The following RECK variants were observed in gnomAD, a reference collection of about 807,000 sequenced individuals.
RECK encodes the protein reversion-inducing cysteine-rich protein with Kazal motifs.
A neutral mutation model predicts 115.1 loss-of-function variants in RECK; 69 were observed. The ratio of observed to expected loss-of-function variants is 0.60; its 90% CI spans 0.49 to 0.73. The LOEUF (loss-of-function observed/expected upper bound fraction) is 0.73. Ranked by LOEUF, RECK falls within the 30% of genes least tolerant of loss-of-function variation. The probability of loss-of-function intolerance (pLI) is 0.00; values close to 1 mark genes in which losing one functional copy is unlikely to be tolerated. For missense variants in RECK, 1,047 were observed against 1,203.7 expected, an observed-to-expected ratio of 0.87 and a Z score of 1.93; for synonymous variants, 414 against 419.7, an observed-to-expected ratio of 0.99 and a Z score of 0.17.
intron 9 of RECK, among the ~76,000 whole-genome samples, chr9:36,089,091 A>G (rs781498372): frequency 3.3e-5 from 5 of 152,216 alleles, no homozygotes; most frequent in Admixed American, 6.5e-5. Context: ...AATAAATGAA[A>G]GACGTGAAAA....
chr9:36,058,700 T>C, intron 2 of RECK, 127 bp from the exon 3 acceptor site: 1 of 266,616 alleles, frequency 3.8e-6, no homozygotes, highest in Non-Finnish European at 6.8e-6. Flanking sequence ...TAAAAATAAA[T>C]AAATAAAATA....
chr9:36,114,118 C>T (rs1824164538), intron 16 of RECK, among the ~76,000 whole-genome samples: 1 of 152,196 alleles, frequency 6.6e-6, no homozygotes, highest in Non-Finnish European at 1.5e-5. Context: ...GTGGGGATTG[C>T]TCTTAAGAAG....
At chr9:36,116,537 C>G (rs1321110099) in intron 16 of RECK, among the ~76,000 whole-genome samples, 4 of 152,248 alleles carry the variant, frequency 2.6e-5, no homozygotes, top group Non-Finnish European at 5.9e-5. Flanking sequence ...TCCAGCCTAT[C>G]TCTTGGCCTC....
intron 6 of RECK, among the ~76,000 whole-genome samples, chr9:36,066,605 G>C (rs1235763099): frequency 6.6e-6 from 1 of 151,798 alleles, no homozygotes; most frequent in South Asian, 2.1e-4. Flanking sequence ...GCTCTCCTCC[G>C]TTCTTATTGA....
In RECK at chr9:36,122,868, C is replaced by G. The variant is rs773789717; in HGVS notation, c.2739C>G (p.Ile913Met). The G allele has an allele frequency of 1.2e-6, 2 of 1,614,092 alleles. No homozygotes were observed. The highest frequency in any genetic ancestry group is 1.7e-6 in the Non-Finnish European group (2 of 1,180,052). Residue 913 changes from isoleucine (I) to methionine (M), a missense_variant, in exon 21 of 21, where the codon ATC becomes ATG. Physicochemically the swap from Ile to Met is conservative, Grantham distance 10. Transcript: ENST00000377966. ...AAGCAGAGAAGATTGAGTCCCTTATCAACTCTGACAGCCCGACTTTGGCGT... is the reference window on the plus strand; with the variant it reads ...AAGCAGAGAAGATTGAGTCCCTTATGAACTCTGACAGCCCGACTTTGGCGT... Reference protein sequence around the residue: ...NKEAEKIESLINSDSPTLASH... With the variant: ...NKEAEKIESLMNSDSPTLASH...
At chr9:36,038,823 A>C (rs1166605843) in intron 1 of RECK, among the ~76,000 whole-genome samples, 3 of 152,172 alleles carry the variant, frequency 2.0e-5, no homozygotes, top group African/African-American at 7.2e-5. Context: ...CAAAAAAAAA[A>C]ACAAGAAACT....
chr9:36,047,289 C>G (rs6476515), intron 1 of RECK, among the ~76,000 whole-genome samples: 92,882 of 151,966 alleles, frequency 0.61, 29,895 homozygotes, highest in East Asian at 0.82. Flanking sequence ...GATGTAGTTT[C>G]GTGTGGCATT....
intron 2 of RECK, among the ~76,000 whole-genome samples, chr9:36,056,796 A>C (rs1331073315): frequency 6.6e-6 from 1 of 152,186 alleles, no homozygotes; most frequent in African/African-American, 2.4e-5. Flanking sequence ...GTCTTCCCCC[A>C]AAAATGTCTC....
At position 36,109,842 on chromosome 9, in the gene RECK, C is replaced by CAA. The variant is rs35304496; in HGVS notation, c.1766-103_1766-102dup. 5,595 of 851,282 alleles carry CAA rather than the reference C, an allele frequency of 6.6e-3. 2 individuals are homozygous for CAA. Among genetic ancestry groups the CAA allele is most frequent in the East Asian group, 0.017 (540 of 32,396 alleles). The allele number at this position is 851,282 out of a possible 1,614,324, so 52.7% of individuals were successfully genotyped here. On this transcript the variant is annotated intron_variant, in intron 14 of 20. Transcript: ENST00000377966. ...CTGGGCGATAGAATGAGACCCTTCT[C>CAA]AAAAAAAAAAAAAGGAATTTCCATT...
chr9:36,070,091 G>A (rs1050369335), intron 6 of RECK, among the ~76,000 whole-genome samples: 1 of 152,184 alleles, frequency 6.6e-6, no homozygotes, highest in Non-Finnish European at 1.5e-5. Flanking sequence ...TGTAAAGGAA[G>A]TTCTAAAATA....
intron 1 of RECK, among the ~76,000 whole-genome samples, chr9:36,044,545 G>T (rs929874240): frequency 6.6e-6 from 1 of 152,114 alleles, no homozygotes; most frequent in Non-Finnish European, 1.5e-5. Flanking sequence ...TTTGAGCTGA[G>T]CACTGTGCTA....
chr9:36,080,142 C>A (rs900808745), intron 6 of RECK, among the ~76,000 whole-genome samples: 32 of 152,142 alleles, frequency 2.1e-4, no homozygotes, highest in African/African-American at 7.0e-4. Flanking sequence ...AGGGTAAGGT[C>A]TAGGAAACTC....
At chr9:36,075,474 A>G (rs891209091) in intron 6 of RECK, among the ~76,000 whole-genome samples, 1 of 152,208 alleles carries the variant, frequency 6.6e-6, no homozygotes, top group Non-Finnish European at 1.5e-5. Flanking sequence ...AAGGCTGAAG[A>G]AATTTAATAA....
At chr9:36,043,843 A>T (rs1239539011) in intron 1 of RECK, among the ~76,000 whole-genome samples, 1 of 151,924 alleles carries the variant, frequency 6.6e-6, no homozygotes, top group South Asian at 2.1e-4. Flanking sequence ...ATTTTGCTTT[A>T]TTTCTGGGTT....
chr9:36,108,243 T>C, intron 14 of RECK, 79 bp downstream of exon 14: 1 of 1,087,466 alleles, frequency 9.2e-7, no homozygotes, highest in Non-Finnish European at 1.3e-6. Flanking sequence ...GGATAGATTC[T>C]GACCACAGAG....
At chr9:36,037,159 G>A in intron 1 of RECK, 61 bp downstream of exon 1, 2 of 1,092,948 alleles carry the variant, frequency 1.8e-6, no homozygotes, top group Non-Finnish European at 2.3e-6. Flanking sequence ...AGCGCTCCAA[G>A]ATGGCGCGGG....
chr9:36,059,256 A>G (rs1393781198), intron 3 of RECK, among the ~76,000 whole-genome samples: 1 of 152,054 alleles, frequency 6.6e-6, no homozygotes, highest in Non-Finnish European at 1.5e-5. Context: ...CAGGATTTCG[A>G]GACCAGCCTG....
chr9:36,083,530 C>A lies in RECK; in HGVS notation c.605C>A (p.Thr202Asn). ...TTAATACATTGTGTGAACAATTATA[C>A]TCAATCTTATCCAATGAGGAACCCA... ...PQLIHCVNNY[T>N]QSYPMRNPTD... Residue 202 changes from threonine (T) to asparagine (N), a missense_variant, in exon 8 of 21, where the codon ACT becomes AAT. Physicochemically the swap from Thr to Asn is moderately conservative, Grantham distance 65 (BLOSUM62 0). Transcript: ENST00000377966. 1 of 1,613,782 alleles carries A rather than the reference C, an allele frequency of 6.2e-7. No homozygotes were observed. The highest frequency in any genetic ancestry group is 8.5e-7 in the Non-Finnish European group (1 of 1,179,832).
Position 36,105,255 on chromosome 9 carries a change from TC to T in RECK, c.1551del (p.Cys518ValfsTer25). On this transcript the variant is annotated frameshift_variant, in exon 13 of 21. Transcript: ENST00000377966. LOFTEE classifies it high-confidence loss of function. ...ACCGAAAAGGATGTCCATCTGGAGA[TC>T]CCTGTCTTCCATACTTTTGTGTTCA... is the stretch of plus-strand genomic sequence containing the variant. ...VNRKGCPSGD[P>X]CLPYFCVQGC... 3 of 1,614,114 alleles carry T rather than the reference TC, an allele frequency of 1.9e-6. No individual in the cohort carries two copies. The highest frequency in any genetic ancestry group is 2.2e-5 in the South Asian group (2 of 91,084).
Sources: gnomAD v4.1 joint callset for allele counts (sites outside exome capture counted in the v4.1 genomes callset) on GRCh38, gnomAD v4.1.1 for gene constraint, MANE v1.5 for transcripts, NCBI Gene and HGNC (gene_info 2026-07-23, HGNC 2026-07-21) for gene names.